The following THADA variants were observed in gnomAD, a reference collection of about 807,000 sequenced individuals.
THADA encodes the protein THADA armadillo repeat containing.
THADA carries 213 observed loss-of-function variants against 219.8 expected under a neutral mutation model. The ratio of observed to expected loss-of-function variants is 0.97; its 90% confidence interval spans 0.87 to 1.09. The LOEUF is 1.09. Among genes scored for constraint, THADA ranks in the 50% least tolerant of loss-of-function variants. The probability of loss-of-function intolerance (pLI) is 0.00; values close to 1 mark genes in which losing one functional copy is unlikely to be tolerated. For synonymous variants in THADA, 1,018 were observed against 828.9 expected (o/e 1.23, Z -3.92); for missense variants, 2,956 against 2,311.3 (o/e 1.28, Z -5.72).
intron 29 of THADA, among the ~76,000 whole-genome samples, chr2:43,345,260 C>G (rs191372116): frequency 1.3e-5 from 2 of 152,186 alleles, no homozygotes; most frequent in Admixed American, 1.3e-4. Flanking sequence ...GAGTTAGATA[C>G]GGAAGGGGGT....
rs1427263040 is a variant in THADA, at chr2:43,590,949, C to G, written c.177G>C (p.Val59=). The change falls in exon 4 of 38, where the codon GTG becomes GTC. Residue 59 remains valine, a synonymous_variant. Coordinates refer to ENST00000405975, the MANE Select transcript of THADA (RefSeq NM_022065.5). ...VSQIHYIKQI[V]PLLEKADKNG... ...TTTTATCTGCTTTCTCCAGCAGAGGCACAATCTATAATACAAAACATTGAA... is the reference window on the plus strand; with the variant it reads ...TTTTATCTGCTTTCTCCAGCAGAGGGACAATCTATAATACAAAACATTGAA... 8 of 1,611,950 alleles carry G rather than the reference C, an allele frequency of 5.0e-6. No individual in the cohort carries two copies. Among genetic ancestry groups the G allele is most frequent in the Non-Finnish European group, 6.8e-6 (8 of 1,178,746 alleles).
chr2:43,434,071 G>C (rs1270499383), intron 26 of THADA, among the ~76,000 whole-genome samples: 1 of 152,064 alleles, frequency 6.6e-6, no homozygotes, highest in Admixed American at 6.5e-5. Context: ...AGAAGAACAA[G>C]GTTGGAGGAC....
At chr2:43,469,977 G>T (rs1229105565) in intron 26 of THADA, among the ~76,000 whole-genome samples, 1 of 152,074 alleles carries the variant, frequency 6.6e-6, no homozygotes. Flanking sequence ...ATGGAAGGCT[G>T]AGGCAGGCAG....
intron 10 of THADA, 103 bp downstream of exon 10, chr2:43,576,919 G>GTACC: frequency 1.0e-6 from 1 of 984,816 alleles, no homozygotes; most frequent in Admixed American, 2.1e-5. Context: ...CCTACTGGGA[G>GTACC]GGTAGCTGGG....
chr2:43,438,386 A>G (rs1296743864), intron 26 of THADA, among the ~76,000 whole-genome samples: 5 of 151,868 alleles, frequency 3.3e-5, no homozygotes, highest in Admixed American at 2.6e-4. Context: ...TGATAATACC[A>G]CGTATTGAAT....
At position 43,424,804 on chromosome 2, in the gene THADA, C is replaced by T. The variant is rs181522558; in HGVS notation, c.4058+3296G>A. Reference sequence around the variant, plus strand: ...TGGCCAAGAAAGAAGAGCCAGGCTTCTACTGTATCTGGCCACAAACCAGTC... The same window carrying T: ...TGGCCAAGAAAGAAGAGCCAGGCTTTTACTGTATCTGGCCACAAACCAGTC... On this transcript the variant is annotated intron_variant, in intron 28 of 37. Transcript: ENST00000405975. 3.3e-5 allele frequency among the ~76,000 whole-genome samples: 5 copies of T among 152,320 alleles called. No individual in the cohort carries two copies. The East Asian group carries it at 9.6e-4, about 29-fold the overall frequency.
intron 28 of THADA, among the ~76,000 whole-genome samples, chr2:43,425,446 A>ATATG (rs1553437836): frequency 7.1e-6 from 1 of 140,410 alleles, no homozygotes; most frequent in African/African-American, 2.7e-5. Flanking sequence ...TTAAAATTGT[A>ATATG]TGTGTGTGTG....
At chr2:43,287,577 A>G (rs539171818) in intron 34 of THADA, among the ~76,000 whole-genome samples, 4 of 152,328 alleles carry the variant, frequency 2.6e-5, no homozygotes, top group South Asian at 2.1e-4. Context: ...CATTACAGAC[A>G]TGAGCCACTG....
intron 26 of THADA, among the ~76,000 whole-genome samples, chr2:43,464,983 A>G (rs1477541002): frequency 1.3e-5 from 2 of 152,150 alleles, no homozygotes; most frequent in African/African-American, 4.8e-5. Flanking sequence ...GCAAAGACCC[A>G]GAATTGAAGA....
chr2:43,279,700 T>C (rs184485403), intron 36 of THADA, 65 bp downstream of exon 36: 13 of 1,496,456 alleles, frequency 8.7e-6, no homozygotes, highest in African/African-American at 7.2e-5. Flanking sequence ...TGGCTCATTA[T>C]AGAAAAGTGT....
chr2:43,472,781 T>C (rs1685053757), intron 26 of THADA, among the ~76,000 whole-genome samples: 1 of 152,250 alleles, frequency 6.6e-6, no homozygotes, highest in African/African-American at 2.4e-5. Flanking sequence ...CTATATGGTA[T>C]AGCCTATTAC....
At chr2:43,557,604 A>C (rs1229767407) in intron 16 of THADA, among the ~76,000 whole-genome samples, 2 of 152,240 alleles carry the variant, frequency 1.3e-5, no homozygotes, top group Non-Finnish European at 2.9e-5. Flanking sequence ...TAAAGAAGAC[A>C]GAACAAAGGA....
chr2:43,467,427 T>C (rs889314036), intron 26 of THADA, among the ~76,000 whole-genome samples: 2 of 152,134 alleles, frequency 1.3e-5, no homozygotes, highest in African/African-American at 4.8e-5. Context: ...ATACAGGACA[T>C]AGTATGTAAA....
At chr2:43,475,422 TAAAA>T (rs59689521) in intron 26 of THADA, among the ~76,000 whole-genome samples, 9 of 99,560 alleles carry the variant, frequency 9.0e-5, no homozygotes, top group South Asian at 3.4e-4. Flanking sequence ...GGCCCTGTCT[TAAAA>T]AAAAAAAAAA....
rs1423945435 is a variant in THADA at position 43,485,249 on chromosome 2, T to C, written c.3821A>G (p.His1274Arg). ...IFGVKRAKDEHSKTNRMTGRE... is the reference protein window; with the variant it reads ...IFGVKRAKDERSKTNRMTGRE... ...TGGAGCTTACCTATTTGTTTTGGAA[T>C]GTTCATCCTTTGCCCTTTTAACTCC... The change falls in exon 26 of 38, where the codon CAT becomes CGT. Residue 1274 changes from histidine to arginine, a missense_variant. Coordinates refer to ENST00000405975, the MANE Select transcript of THADA (RefSeq NM_022065.5). 1.2e-6 allele frequency: 2 copies of C among 1,612,428 alleles called. No individual in the cohort carries two copies. The highest frequency in any genetic ancestry group is 1.7e-5 in the Admixed American group (1 of 59,950).
At chr2:43,306,425 C>G (rs1052331909) in intron 31 of THADA, among the ~76,000 whole-genome samples, 1 of 152,190 alleles carries the variant, frequency 6.6e-6, no homozygotes, top group African/African-American at 2.4e-5. Context: ...TGGGGCTTCT[C>G]TTCCACACTT....
chr2:43,424,002 C>T (rs1678079457), intron 28 of THADA, among the ~76,000 whole-genome samples: 1 of 152,300 alleles, frequency 6.6e-6, no homozygotes, highest in South Asian at 2.1e-4. Context: ...GAAAGCATCA[C>T]ATTCACATGG....
intron 21 of THADA, chr2:43,538,385 C>A (rs935179318): frequency 2.0e-5 from 3 of 152,136 alleles, no homozygotes; most frequent in Non-Finnish European, 4.4e-5. Context: ...TATGAAAGAA[C>A]CTTTCATTAT....
chr2:43,467,058 TGTA>T (rs1684329858), intron 26 of THADA, among the ~76,000 whole-genome samples: 1 of 151,216 alleles, frequency 6.6e-6, no homozygotes, highest in South Asian at 2.1e-4. Context: ...AGCGGGCGCC[TGTA>T]GTCCCAGCTA....
Sources: gnomAD v4.1 joint callset for allele counts (sites outside exome capture counted in the v4.1 genomes callset) on GRCh38, gnomAD v4.1.1 for gene constraint, MANE v1.5 for transcripts, NCBI Gene and HGNC (gene_info 2026-07-23, HGNC 2026-07-21) for gene names.